The following COL9A1 variants were observed in gnomAD, a reference collection of about 807,000 sequenced individuals.
COL9A1 encodes collagen type IX alpha 1 chain.
In COL9A1, 104 loss-of-function variants were observed where a neutral mutation model predicts 142.6. The observed-to-expected ratio is 0.73, with a 90% CI of 0.62 to 0.86. The LOEUF is 0.86. Ranked by LOEUF, COL9A1 falls within the 40% of genes least tolerant of loss-of-function variation. The pLI, the probability that COL9A1 is intolerant of heterozygous loss-of-function variation, is 0.00. For synonymous variants in COL9A1, 466 were observed against 396.0 expected (o/e 1.18, Z -2.10); for missense variants, 1,210 against 1,176.6 (o/e 1.03, Z -0.42).
chr6:70,269,546 C>G (rs543786310), intron 16 of COL9A1, 87 bp downstream of exon 16: 7 of 929,512 alleles, frequency 7.5e-6, no homozygotes, highest in Non-Finnish European at 1.2e-5. Flanking sequence ...ATAGAATATT[C>G]CAGGGAAATC....
chr6:70,217,211 G>A, intron 37 of COL9A1, 130 bp from the exon 38 acceptor site: 3 of 739,940 alleles, frequency 4.1e-6, no homozygotes, highest in Non-Finnish European at 7.1e-6. Context: ...GATGATGACT[G>A]GTGATGATTG....
At chr6:70,286,576 G>A (rs1056745458) in intron 5 of COL9A1, among the ~76,000 whole-genome samples, 1 of 152,154 alleles carries the variant, frequency 6.6e-6, no homozygotes, top group South Asian at 2.1e-4. Flanking sequence ...TTAAGCTTTT[G>A]TCTTCAGTGA....
chr6:70,299,799 T>G (rs796711349), intron 4 of COL9A1, among the ~76,000 whole-genome samples: 3 of 152,194 alleles, frequency 2.0e-5, no homozygotes, highest in African/African-American at 7.2e-5. Context: ...TAAGAACATG[T>G]CCTGAATCAA....
intron 28 of COL9A1, among the ~76,000 whole-genome samples, chr6:70,247,553 C>G (rs1342746851): frequency 2.6e-5 from 4 of 152,136 alleles, no homozygotes; most frequent in Non-Finnish European, 5.9e-5. Flanking sequence ...TTAGTCTGTA[C>G]TATATATTAA....
chr6:70,252,898 A>G (rs974511206), intron 26 of COL9A1, among the ~76,000 whole-genome samples: 1 of 152,044 alleles, frequency 6.6e-6, no homozygotes, highest in African/African-American at 2.4e-5. Flanking sequence ...TTCACCTTTT[A>G]TCTCTTTTCT....
chr6:70,277,845 G>A (rs1456688994), intron 10 of COL9A1, among the ~76,000 whole-genome samples: 1 of 152,124 alleles, frequency 6.6e-6, no homozygotes, highest in Non-Finnish European at 1.5e-5. Context: ...AGCAGAAGAC[G>A]AAATGATTCG....
chr6:70,221,056 G>A lies in COL9A1; in HGVS notation c.2582-3975C>T, dbSNP rs935472309. ...CCATAAATATGTATAACTATTATAT[G>A]TCAATTAAAATAAAATAAAATATTT... On this transcript the variant is annotated intron_variant, in intron 37 of 37. Coordinates refer to ENST00000357250, the MANE Select transcript of COL9A1 (RefSeq NM_001851.6). Among the ~76,000 whole-genome samples the A allele has an allele frequency of 2.0e-5, 3 of 151,720 alleles. No homozygotes were observed. The East Asian group carries it at 5.8e-4, about 29-fold the overall frequency.
intron 10 of COL9A1, among the ~76,000 whole-genome samples, chr6:70,278,470 G>T (rs185774697): frequency 6.6e-6 from 1 of 152,144 alleles, no homozygotes; most frequent in African/African-American, 2.4e-5. Flanking sequence ...AATGTTTGTG[G>T]CAGTGCTTGA....
chr6:70,260,404 G>A (rs576082499), intron 20 of COL9A1, among the ~76,000 whole-genome samples: 91 of 152,020 alleles, frequency 6.0e-4, no homozygotes, highest in Non-Finnish European at 1.1e-3. Flanking sequence ...TTAGCCGGGC[G>A]TGGTGGCAGG....
intron 10 of COL9A1, among the ~76,000 whole-genome samples, chr6:70,276,364 A>G (rs1772762020): frequency 6.6e-6 from 1 of 152,108 alleles, no homozygotes; most frequent in Non-Finnish European, 1.5e-5. Context: ...TAAACCCTCC[A>G]AGACCAATTC....
intron 5 of COL9A1, among the ~76,000 whole-genome samples, chr6:70,285,939 A>T (rs928997371): frequency 2.0e-5 from 3 of 151,980 alleles, no homozygotes; most frequent in Non-Finnish European, 4.4e-5. Context: ...GCCAGGCTGG[A>T]GTGCAGTAGC....
chr6:70,275,397 A>G (rs1011915408), intron 10 of COL9A1, among the ~76,000 whole-genome samples: 5 of 152,118 alleles, frequency 3.3e-5, no homozygotes, highest in Non-Finnish European at 7.4e-5. Flanking sequence ...TTTCTACATT[A>G]TTTTTCTTAG....
At chr6:70,264,599 C>T (rs963307475) in intron 18 of COL9A1, among the ~76,000 whole-genome samples, 1 of 151,922 alleles carries the variant, frequency 6.6e-6, no homozygotes, top group Admixed American at 6.6e-5. Flanking sequence ...ATTGATATGT[C>T]CACTGAAATT....
downstream of COL9A1, chr6:70,215,161 T>C (rs1032148590): frequency 6.6e-6 from 1 of 152,148 alleles, no homozygotes; most frequent in Non-Finnish European, 1.5e-5. Flanking sequence ...ACCTTTATTT[T>C]CAAAAGTCAT....
At chr6:70,287,541 C>T (rs533351240) in intron 5 of COL9A1, among the ~76,000 whole-genome samples, 58 of 152,186 alleles carry the variant, frequency 3.8e-4, no homozygotes, top group African/African-American at 1.3e-3. Context: ...GAAAAATCCT[C>T]CCCACATTTT....
intron 10 of COL9A1, chr6:70,280,538 C>G: frequency 1.4e-6 from 2 of 1,384,866 alleles, no homozygotes; most frequent in Non-Finnish European, 1.9e-6. Context: ...ACTGTGAGGT[C>G]ACGGTTAGAG....
chr6:70,245,562 C>G (rs1241813093), intron 28 of COL9A1: 1 of 152,064 alleles, frequency 6.6e-6, no homozygotes, highest in Non-Finnish European at 1.5e-5. Context: ...GCTGTTCTTC[C>G]CAGTTGCTAA....
chr6:70,280,240 G>T, intron 10 of COL9A1: 1 of 1,198,624 alleles, frequency 8.3e-7, no homozygotes, highest in Non-Finnish European at 1.1e-6. Flanking sequence ...AAACTCCATG[G>T]AAAGACGAAA....
Position 70,300,248 on chromosome 6 carries a change from T to TA in COL9A1, c.166+60dup, listed in dbSNP as rs371900114. 93,578 of 1,263,266 alleles carry TA rather than the reference T, an allele frequency of 0.074. 1,063 individuals carry two copies. Among genetic ancestry groups the TA allele is most frequent in the Non-Finnish European group, 0.088 (80,851 of 921,272 alleles). 78.3% of individuals were successfully genotyped at this position (1,263,266 alleles called of 1,614,324 possible). ...TATTTCTTTCCACAACTTTCCCAAA[T>TA]AAAAAAAAAAATCAGGTTTATAGAA... On this transcript the variant is annotated intron_variant, in intron 3 of 37. Coordinates refer to ENST00000357250, the MANE Select transcript of COL9A1 (RefSeq NM_001851.6).
Sources: gnomAD v4.1 joint callset for allele counts (sites outside exome capture counted in the v4.1 genomes callset) on GRCh38, gnomAD v4.1.1 for gene constraint, MANE v1.5 for transcripts, NCBI Gene and HGNC (gene_info 2026-07-23, HGNC 2026-07-21) for gene names.